CEP68: variants seen among roughly 807,000 people sequenced by gnomAD.
CEP68 encodes centrosomal protein of 68 kDa.
In CEP68, 26 loss-of-function variants were observed where a neutral mutation model predicts 55.3. The observed-to-expected ratio is 0.47, with a 90% CI of 0.34 to 0.65. The LOEUF (loss-of-function observed/expected upper bound fraction) is 0.65, where lower values mean the gene tolerates loss of function less well. Among genes scored for constraint, CEP68 ranks in the 30% least tolerant of loss-of-function variants. The pLI, the probability that CEP68 is intolerant of heterozygous loss-of-function variation, is 0.01. For synonymous variants in CEP68, 402 were observed against 383.2 expected (o/e 1.05, Z -0.57); for missense variants, 957 against 946.7 (o/e 1.01, Z -0.14).
chr2:65,079,909 A>G (rs1457066665), intron 5 of CEP68, among the ~76,000 whole-genome samples: 37 of 152,122 alleles, frequency 2.4e-4, no homozygotes, highest in African/African-American at 8.9e-4. Flanking sequence ...CAAGGTGGGC[A>G]GATCACCTGA....
chr2:65,082,787 A>G, intron 6 of CEP68, 78 bp downstream of exon 6: 1 of 1,199,784 alleles, frequency 8.3e-7, no homozygotes, highest in Non-Finnish European at 1.1e-6. Context: ...AAGCTTGTTG[A>G]GCCAAGAACT....
intron 4 of CEP68, 85 bp downstream of exon 4, chr2:65,074,489 A>G: frequency 6.3e-7 from 1 of 1,583,962 alleles, no homozygotes; most frequent in Non-Finnish European, 8.7e-7. Context: ...TCAAATAACC[A>G]ATGTCTGGTA....
chr2:65,060,605 A>G (rs1675866968), intron 1 of CEP68, among the ~76,000 whole-genome samples: 1 of 152,230 alleles, frequency 6.6e-6, no homozygotes, highest in Non-Finnish European at 1.5e-5. Context: ...CTGTCAGTAT[A>G]GTAAAAGCAG....
At position 65,072,457 on chromosome 2, in the gene CEP68, A is replaced by C. The variant is rs1558563089; in HGVS notation, c.1361A>C (p.Lys454Thr). 6.2e-7 allele frequency: 1 copy of C among 1,614,126 alleles called. No homozygotes were observed. Among genetic ancestry groups the C allele is most frequent in the Non-Finnish European group, 8.5e-7 (1 of 1,180,028 alleles). Residue 454 changes from lysine to threonine, a missense_variant, in exon 3 of 7, where the codon AAG becomes ACG. Physicochemically the swap from Lys to Thr is moderately conservative, Grantham distance 78. Transcript: ENST00000377990. The part of the protein sequence containing the change: ...GWPSPRPERE[K>T]RTSQSARRPT... ...CCCTCGCCCAGGCCAGAGAGGGAGA[A>C]GAGGACCAGCCAGAGTGCCCGGCGC...
At chr2:65,063,748 G>C (rs1358793392) in intron 1 of CEP68, among the ~76,000 whole-genome samples, 1 of 152,182 alleles carries the variant, frequency 6.6e-6, no homozygotes, top group African/African-American at 2.4e-5. Context: ...TCCAAAACTT[G>C]TGCGTTTATC....
chr2:65,071,393 CTAAG>C, intron 2 of CEP68, 57 bp from the exon 3 acceptor site: 6 of 1,419,154 alleles, frequency 4.2e-6, no homozygotes, highest in East Asian at 2.3e-5. Context: ...GGGTTGTCAT[CTAAG>C]AAAGAAATTG....
intron 4 of CEP68, among the ~76,000 whole-genome samples, chr2:65,077,413 AC>A (rs1676817330): frequency 6.6e-6 from 1 of 152,172 alleles, no homozygotes; most frequent in Non-Finnish European, 1.5e-5. Flanking sequence ...TGAGGTAGTT[AC>A]CCCTGTGGTC....
chr2:65,078,089 GATGCCCC>G (rs886191719), intron 5 of CEP68, 125 bp downstream of exon 5: 9 of 645,254 alleles, frequency 1.4e-5, no homozygotes, highest in African/African-American at 9.2e-5. Flanking sequence ...CACTGCCCGA[GATGCCCC>G]ATGCCCCATC....
rs1668979871 is a variant in CEP68 at position 65,084,775 on chromosome 2, T to C, written c.*1141T>C. The C allele has an allele frequency of 6.6e-6, 1 of 152,242 alleles. No individual in the cohort carries two copies. The highest frequency in any genetic ancestry group is 2.4e-5 in the African/African-American group (1 of 41,458). 9.4% of individuals were successfully genotyped at this position (152,242 alleles called of 1,614,324 possible). A position where few individuals can be genotyped will look rare whatever the true frequency, so the allele number is the denominator to read the frequency against. On this transcript the variant is annotated 3_prime_UTR_variant, in exon 7 of 7. Coordinates refer to ENST00000377990, the MANE Select transcript of CEP68 (RefSeq NM_015147.3). The stretch of plus-strand genomic sequence containing the variant: ...ACTGGAAAATAGCCATTAAATTCTT[T>C]AAAGATTAGCTCTTCAACAGTAGCT...
intron 4 of CEP68, chr2:65,074,649 G>A (rs1676674576): frequency 2.1e-6 from 1 of 486,368 alleles, no homozygotes; most frequent in Admixed American, 3.1e-5. Context: ...AATACTTTAG[G>A]TTTTGGGCTG....
At chr2:65,082,406 T>C in intron 5 of CEP68, 130 bp from the exon 6 acceptor site, 1 of 694,074 alleles carries the variant, frequency 1.4e-6, no homozygotes, top group South Asian at 4.9e-5. Flanking sequence ...AGGGCAGACA[T>C]TCAGAAACTA....
chr2:65,076,440 A>C (rs1676758771), intron 4 of CEP68, among the ~76,000 whole-genome samples: 1 of 152,200 alleles, frequency 6.6e-6, no homozygotes, highest in Non-Finnish European at 1.5e-5. Flanking sequence ...AGTGAGGCAT[A>C]GGCCTCTTGT....
chr2:65,082,399 G>A, intron 5 of CEP68, 137 bp from the exon 6 acceptor site: 1 of 610,644 alleles, frequency 1.6e-6, no homozygotes, highest in African/African-American at 1.9e-5. Context: ...TTAAAAAAGG[G>A]CAGACATTCA....
At chr2:65,073,090 G>A in intron 3 of CEP68, 110 bp downstream of exon 3, 1 of 1,153,326 alleles carries the variant, frequency 8.7e-7, no homozygotes. Flanking sequence ...CTTTTTATGT[G>A]CCAGGCATTG....
chr2:65,059,633 G>A (rs925819871), intron 1 of CEP68, among the ~76,000 whole-genome samples: 3 of 152,174 alleles, frequency 2.0e-5, no homozygotes, highest in African/African-American at 7.2e-5. Context: ...CTTGTGTGTG[G>A]CTGGCATATA....
chr2:65,070,552 C>T (rs2723086), intron 2 of CEP68: 57,860 of 151,628 alleles, frequency 0.38, 11,379 homozygotes, highest in African/African-American at 0.46. Context: ...TGGGGCTGCA[C>T]CCTGTGAGGA....
chr2:65,072,362 G>A lies in CEP68; in HGVS notation c.1266G>A (p.Lys422=). Residue 422 remains lysine, a synonymous_variant, in exon 3 of 7, where the codon AAG becomes AAA. Coordinates refer to ENST00000377990, the MANE Select transcript of CEP68 (RefSeq NM_015147.3). ...GAGAGCCAGCCCTGAGGGGTGCGAA[G>A]GACCGGCTGACTATAGGCAAGCACC... is the stretch of plus-strand genomic sequence containing the variant. The part of the protein sequence containing the change: ...ERREPALRGA[K]DRLTIGKHLD... 6.2e-7 allele frequency: 1 copy of A among 1,613,918 alleles called. No individual in the cohort carries two copies. Among genetic ancestry groups the A allele is most frequent in the Non-Finnish European group, 8.5e-7 (1 of 1,180,032 alleles).
intron 3 of CEP68, chr2:65,073,181 A>G: frequency 1.4e-6 from 1 of 694,352 alleles, no homozygotes; most frequent in South Asian, 1.6e-5. Flanking sequence ...AGGAAAGAGC[A>G]GAGAGAGGTT....
rs779601426 is a variant in CEP68, at chr2:65,072,498, T to A, written c.1402T>A (p.Ser468Thr). Residue 468 changes from serine (S) to threonine (T), a missense_variant, in exon 3 of 7, where the codon TCT becomes ACT. Physicochemically the swap from Ser to Thr is moderately conservative, Grantham distance 58 (BLOSUM62 1). Transcript: ENST00000377990. ...TGCCCGGCGCCCTACCTGCACAGAG[T>A]CTAGGTGGAAATCAGAAGAGGAAGT... ...QSARRPTCTE[S>T]RWKSEEEVES... The A allele has an allele frequency of 2.5e-6, 4 of 1,613,090 alleles. No individual in the cohort carries two copies. In the South Asian group the frequency reaches 4.4e-5, roughly 18 times the overall value.
Sources: gnomAD v4.1 joint callset for allele counts (sites outside exome capture counted in the v4.1 genomes callset) on GRCh38, gnomAD v4.1.1 for gene constraint, MANE v1.5 for transcripts, NCBI Gene and HGNC (gene_info 2026-07-23, HGNC 2026-07-21) for gene names.